WRN: variants seen among roughly 807,000 people sequenced by gnomAD.
WRN encodes WRN RecQ like helicase, also known as bifunctional 3'-5' exonuclease/ATP-dependent helicase WRN.
In WRN, 149 loss-of-function variants were observed where a neutral mutation model predicts 180.7. That is an observed-to-expected ratio of 0.82 (90% CI 0.72 to 0.94). WRN has a LOEUF of 0.94. WRN is among the 40% of genes least tolerant of loss of function. WRN has a pLI of 0.00. For synonymous variants in WRN, 548 were observed against 568.9 expected (o/e 0.96, Z 0.52); for missense variants, 1,661 against 1,700.1 (o/e 0.98, Z 0.40).
At chr8:31,155,371 C>G (rs1803340347) in intron 32 of WRN, among the ~76,000 whole-genome samples, 1 of 152,034 alleles carries the variant, frequency 6.6e-6, no homozygotes, top group Admixed American at 6.5e-5. Context: ...GCCTGTAATC[C>G]CAGCACTTCG....
chr8:31,115,141 C>T (rs773587370), intron 19 of WRN, among the ~76,000 whole-genome samples: 2 of 152,108 alleles, frequency 1.3e-5, no homozygotes, highest in African/African-American at 4.8e-5. Context: ...GGTAATCCGC[C>T]CGCCTTGGCA....
At chr8:31,070,097 G>A (rs954671038) in intron 7 of WRN, among the ~76,000 whole-genome samples, 1 of 151,826 alleles carries the variant, frequency 6.6e-6, no homozygotes, top group Non-Finnish European at 1.5e-5. Flanking sequence ...TCTTGACTCA[G>A]ATTCCAGTGA....
intron 34 of WRN, among the ~76,000 whole-genome samples, chr8:31,172,566 G>A (rs961575378): frequency 1.3e-5 from 2 of 152,172 alleles, no homozygotes; most frequent in African/African-American, 4.8e-5. Context: ...TCTACCTACC[G>A]TTGTAGATGT....
rs11985804 is a variant in WRN, at chr8:31,068,627, A to G, written c.724+300A>G. Among the ~76,000 whole-genome samples, 333 of 152,296 alleles carry G rather than the reference A, an allele frequency of 2.2e-3. 2 individuals carry two copies. The highest frequency in any genetic ancestry group is 7.3e-3 in the African/African-American group (305 of 41,554). ...CAACCAGCTTTCTCCTAGTCTGGAG[A>G]TTATACATCCTTGCTATAAGTATTT... On this transcript the variant is annotated intron_variant, in intron 7 of 34. Coordinates refer to ENST00000298139, the MANE Select transcript of WRN (RefSeq NM_000553.6).
At chr8:31,139,993 A>G (rs907420386) in intron 24 of WRN, among the ~76,000 whole-genome samples, 4 of 116,894 alleles carry the variant, frequency 3.4e-5, no homozygotes, top group Admixed American at 9.2e-5. Flanking sequence ...CTATGTTTGT[A>G]TACTTCTTTG....
At chr8:31,157,564 G>T (rs1257901779) in intron 33 of WRN, 34 bp downstream of exon 33, 2 of 1,612,832 alleles carry the variant, frequency 1.2e-6, no homozygotes, top group South Asian at 2.2e-5. Flanking sequence ...CACCCTTAAT[G>T]ACTTGATGAA....
In WRN at chr8:31,109,067, C is replaced by T. The variant is rs61748948; in HGVS notation, c.2089-2548C>T. 8.4e-3 allele frequency among the ~76,000 whole-genome samples: 1,273 copies of T among 152,318 alleles called. 18 individuals carry two copies. Among genetic ancestry groups the T allele is most frequent in the African/African-American group, 0.029 (1,224 of 41,572 alleles). On this transcript the variant is annotated intron_variant, in intron 18 of 34. Coordinates refer to ENST00000298139, the MANE Select transcript of WRN (RefSeq NM_000553.6). ...TTAATAGTCAGCATCCCAAGTTCCT[C>T]AATTGCAGCCAAAATACATGTGTTC...
intron 11 of WRN, among the ~76,000 whole-genome samples, chr8:31,087,386 A>G (rs1336520840): frequency 6.6e-6 from 1 of 152,364 alleles, no homozygotes; most frequent in African/African-American, 2.4e-5. Context: ...TGCGACTGAC[A>G]CATGATATAG....
intron 18 of WRN, among the ~76,000 whole-genome samples, chr8:31,102,288 A>G (rs1481320152): frequency 1.3e-5 from 2 of 152,222 alleles, no homozygotes; most frequent in African/African-American, 4.8e-5. Context: ...ATATACATGG[A>G]ATCATGCAAT....
At chr8:31,117,600 T>TA (rs1801570818) in intron 20 of WRN, among the ~76,000 whole-genome samples, 1 of 152,106 alleles carries the variant, frequency 6.6e-6, no homozygotes, top group Admixed American at 6.6e-5. Context: ...ACTGTAACTA[T>TA]AAGTCCGAGG....
intron 34 of WRN, among the ~76,000 whole-genome samples, chr8:31,170,831 TAGTGTA>T (rs554322595): frequency 1.3e-5 from 2 of 152,178 alleles, no homozygotes; most frequent in Non-Finnish European, 2.9e-5. Flanking sequence ...AAGACACACT[TAGTGTA>T]AGTAAGCATT....
At chr8:31,127,163 C>A (rs1241637421) in intron 23 of WRN, among the ~76,000 whole-genome samples, 2 of 152,080 alleles carry the variant, frequency 1.3e-5, no homozygotes, top group South Asian at 4.1e-4. Flanking sequence ...CAAAATAATA[C>A]CAATTCTATA....
In WRN at chr8:31,111,709, C is replaced by G; in HGVS notation, c.2183C>G (p.Thr728Ser). 2 of 1,614,076 alleles carry G rather than the reference C, an allele frequency of 1.2e-6. No homozygotes were observed. Among genetic ancestry groups the G allele is most frequent in the African/African-American group, 2.7e-5 (2 of 75,060 alleles). The change falls in exon 19 of 35, where the codon ACT becomes AGT. Residue 728 changes from threonine to serine, a missense_variant. Coordinates refer to ENST00000298139, the MANE Select transcript of WRN (RefSeq NM_000553.6). ...CTGAGAAATCCTCAGATCACCTGTACTGGTTTTGATCGACCAAACCTGTAT... is the reference window on the plus strand; with the variant it reads ...CTGAGAAATCCTCAGATCACCTGTAGTGGTTTTGATCGACCAAACCTGTAT... ...LNLRNPQITCTGFDRPNLYLE... is the reference protein window; with the variant it reads ...LNLRNPQITCSGFDRPNLYLE...
intron 21 of WRN, among the ~76,000 whole-genome samples, chr8:31,123,695 A>G (rs974053046): frequency 2.0e-5 from 3 of 152,098 alleles, no homozygotes; most frequent in African/African-American, 7.2e-5. Flanking sequence ...ATTATAAGTA[A>G]ATCGTTGTTT....
intron 24 of WRN, among the ~76,000 whole-genome samples, chr8:31,133,417 T>C (rs1802261657): frequency 6.6e-6 from 1 of 152,134 alleles, no homozygotes; most frequent in African/African-American, 2.4e-5. Context: ...AAGGAACATT[T>C]TGGAGGCTGA....
chr8:31,121,372 C>G (rs1341507836), intron 21 of WRN, among the ~76,000 whole-genome samples: 1 of 151,910 alleles, frequency 6.6e-6, no homozygotes, highest in Non-Finnish European at 1.5e-5. Context: ...TGATTGTCCA[C>G]TGTGTTCCAT....
intron 7 of WRN, among the ~76,000 whole-genome samples, chr8:31,075,124 T>C (rs1813049053): frequency 6.6e-6 from 1 of 152,064 alleles, no homozygotes; most frequent in Admixed American, 6.5e-5. Context: ...CAAGGAATAG[T>C]AGTGGAGTGA....
chr8:31,130,719 C>T (rs1233740332), intron 23 of WRN, among the ~76,000 whole-genome samples: 3 of 149,936 alleles, frequency 2.0e-5, no homozygotes, highest in African/African-American at 7.4e-5. Flanking sequence ...TAATTTATTT[C>T]TACTTAAAGA....
At chr8:31,123,372 T>G (rs1388544187) in intron 21 of WRN, among the ~76,000 whole-genome samples, 1 of 152,100 alleles carries the variant, frequency 6.6e-6, no homozygotes, top group Non-Finnish European at 1.5e-5. Flanking sequence ...GGTACTATTC[T>G]GCGGCTTCAG....
Sources: gnomAD v4.1 joint callset for allele counts (sites outside exome capture counted in the v4.1 genomes callset) on GRCh38, gnomAD v4.1.1 for gene constraint, MANE v1.5 for transcripts, NCBI Gene and HGNC (gene_info 2026-07-23, HGNC 2026-07-21) for gene names.